The following SLC25A21 variants were observed in gnomAD, a reference collection of about 807,000 sequenced individuals.
SLC25A21 encodes mitochondrial 2-oxodicarboxylate carrier.
In SLC25A21, 47 loss-of-function variants were observed where a neutral mutation model predicts 43.8. The observed-to-expected ratio is 1.07, with a 90% CI of 0.85 to 1.37. SLC25A21 has a LOEUF of 1.37. Ranked by LOEUF, SLC25A21 falls within the 40% of genes most tolerant of loss-of-function variation. The pLI, the probability that SLC25A21 is intolerant of heterozygous loss-of-function variation, is 0.00. For synonymous variants in SLC25A21, 131 were observed against 121.3 expected (o/e 1.08, Z -0.52); for missense variants, 352 against 350.2 (o/e 1.00, Z -0.04).
Position 36,679,962 on chromosome 14 carries a change from T to G in SLC25A21, c.*696A>C. The stretch of plus-strand genomic sequence containing the variant: ...TTTAAACATGCTTAAACAACAGTGT[T>G]TTAACATTCTGTTTTAAACAATGTT... On this transcript the variant is annotated 3_prime_UTR_variant, in exon 10 of 10. Transcript: ENST00000331299. 1.1e-6 allele frequency: 1 copy of G among 877,246 alleles called. No homozygotes were observed. Among genetic ancestry groups the G allele is most frequent in the Non-Finnish European group, 1.4e-6 (1 of 732,630 alleles). 54.3% of individuals were successfully genotyped at this position (877,246 alleles called of 1,614,324 possible).
chr14:36,893,663 T>A (rs1398329075), intron 1 of SLC25A21, among the ~76,000 whole-genome samples: 1 of 152,218 alleles, frequency 6.6e-6, no homozygotes, highest in Non-Finnish European at 1.5e-5. Flanking sequence ...CTTCTAGGGT[T>A]TTTATGGTTT....
intron 1 of SLC25A21, among the ~76,000 whole-genome samples, chr14:36,971,980 TAC>T (rs766406839): frequency 7.9e-5 from 12 of 152,174 alleles, no homozygotes; most frequent in Non-Finnish European, 1.6e-4. Flanking sequence ...TGTGTATATA[TAC>T]ACACACATAT....
intron 1 of SLC25A21, among the ~76,000 whole-genome samples, chr14:37,115,046 G>A (rs1963082656): frequency 6.6e-6 from 1 of 152,150 alleles, no homozygotes; most frequent in Non-Finnish European, 1.5e-5. Context: ...GGCTCCAAAT[G>A]TGGGATGGCC....
rs760928642 is a variant in SLC25A21, at chr14:36,982,163, G to A, written c.71-107159C>T. ...AGTAAAAGTTCAGCACCAAATTATA[G>A]AACAGATTTCAGAATAGAATCAAAC... On this transcript the variant is annotated intron_variant, in intron 1 of 9. Coordinates refer to ENST00000331299, the MANE Select transcript of SLC25A21 (RefSeq NM_030631.4). Among the ~76,000 whole-genome samples the A allele has an allele frequency of 6.6e-4, 101 of 152,248 alleles. 1 individual carries two copies. The highest frequency in any genetic ancestry group is 2.6e-4 in the Non-Finnish European group (18 of 68,014).
chr14:36,858,222 T>C (rs1191939867), intron 2 of SLC25A21, among the ~76,000 whole-genome samples: 1 of 152,122 alleles, frequency 6.6e-6, no homozygotes, highest in Non-Finnish European at 1.5e-5. Flanking sequence ...CTGTGGTGTC[T>C]CCATCTCTGC....
intron 3 of SLC25A21, among the ~76,000 whole-genome samples, chr14:36,792,097 C>A (rs848099): frequency 0.16 from 24,892 of 152,012 alleles, 2,269 homozygotes; most frequent in Middle Eastern, 0.25. Context: ...GATAAATGCT[C>A]TCTTTTTTAT....
intron 7 of SLC25A21, among the ~76,000 whole-genome samples, chr14:36,689,740 A>G (rs1449540360): frequency 1.3e-5 from 2 of 152,188 alleles, no homozygotes; most frequent in Non-Finnish European, 1.5e-5. Context: ...TTGAGGTTCC[A>G]CCCCAGACCA....
chr14:36,678,624 C>A lies in SLC25A21; in HGVS notation c.*2034G>T. On this transcript the variant is annotated 3_prime_UTR_variant, in exon 10 of 10. Transcript: ENST00000331299. ...TGTAAGGTACAGAACTATTCTTTAT[C>A]AAATGTTTTTAGGTGGCTGTTAGGG... The A allele has an allele frequency of 7.6e-7, 1 of 1,312,620 alleles. No homozygotes were observed. The highest frequency in any genetic ancestry group is 2.1e-4 in the Middle Eastern group (1 of 4,776). The allele number at this position is 1,312,620 out of a possible 1,614,324, so 81.3% of individuals were successfully genotyped here.
chr14:37,096,143 A>G (rs1962689144), intron 1 of SLC25A21, among the ~76,000 whole-genome samples: 1 of 152,198 alleles, frequency 6.6e-6, no homozygotes, highest in Non-Finnish European at 1.5e-5. Flanking sequence ...ACATGACTCT[A>G]GACTATATAA....
chr14:36,736,764 T>G (rs74044954), intron 3 of SLC25A21, among the ~76,000 whole-genome samples: 1,568 of 152,290 alleles, frequency 0.01, 31 homozygotes, highest in African/African-American at 0.035. Flanking sequence ...AAGAATGATC[T>G]TAGGGAGAAA....
At chr14:36,871,533 T>C (rs1034868718) in intron 2 of SLC25A21, among the ~76,000 whole-genome samples, 1 of 152,250 alleles carries the variant, frequency 6.6e-6, no homozygotes, top group Non-Finnish European at 1.5e-5. Context: ...TACAGCCACA[T>C]AACCTAGCCT....
intron 2 of SLC25A21, among the ~76,000 whole-genome samples, chr14:36,831,577 T>C (rs17105450): frequency 0.054 from 8,245 of 152,262 alleles, 425 homozygotes; most frequent in East Asian, 0.31. Flanking sequence ...TAGGGAAGAA[T>C]CCTGAATTTA....
intron 3 of SLC25A21, among the ~76,000 whole-genome samples, chr14:36,788,018 G>A (rs1432154898): frequency 6.6e-6 from 1 of 152,144 alleles, no homozygotes; most frequent in Non-Finnish European, 1.5e-5. Context: ...CTAACATAAA[G>A]CACATTGCTC....
chr14:37,006,426 T>A (rs1960605367), intron 1 of SLC25A21, among the ~76,000 whole-genome samples: 1 of 152,150 alleles, frequency 6.6e-6, no homozygotes, highest in South Asian at 2.1e-4. Flanking sequence ...TGTATATACA[T>A]CAACATACAT....
intron 1 of SLC25A21, among the ~76,000 whole-genome samples, chr14:36,920,434 A>G (rs576584339): frequency 6.6e-6 from 1 of 152,086 alleles, no homozygotes; most frequent in Admixed American, 6.6e-5. Context: ...AGTAATCAGG[A>G]GAGTCACTCT....
chr14:36,797,606 G>T (rs1282693000), intron 3 of SLC25A21, among the ~76,000 whole-genome samples: 2 of 152,150 alleles, frequency 1.3e-5, no homozygotes, highest in African/African-American at 4.8e-5. Flanking sequence ...CTATAGCAAT[G>T]AATCTCTGAA....
chr14:37,126,504 G>A (rs1473194560), intron 1 of SLC25A21, among the ~76,000 whole-genome samples: 2 of 151,106 alleles, frequency 1.3e-5, no homozygotes, highest in Middle Eastern at 3.2e-3. Context: ...CATTGCAACT[G>A]TATATTTTAC....
intron 1 of SLC25A21, among the ~76,000 whole-genome samples, chr14:37,131,637 T>C (rs2138906433): frequency 6.6e-6 from 1 of 152,334 alleles, no homozygotes; most frequent in East Asian, 1.9e-4. Flanking sequence ...AACACCTATA[T>C]TATTTTAATT....
intron 1 of SLC25A21, among the ~76,000 whole-genome samples, chr14:36,947,020 A>G (rs1219128213): frequency 1.3e-5 from 2 of 152,216 alleles, no homozygotes; most frequent in Non-Finnish European, 2.9e-5. Context: ...CAGCTCTCCT[A>G]GACCCACCTC....
Sources: gnomAD v4.1 joint callset for allele counts (sites outside exome capture counted in the v4.1 genomes callset) on GRCh38, gnomAD v4.1.1 for gene constraint, MANE v1.5 for transcripts, NCBI Gene and HGNC (gene_info 2026-07-23, HGNC 2026-07-21) for gene names.